Variants in HADHA observed in about 807,000 individuals in gnomAD.
The protein encoded by HADHA is hydroxyacyl-CoA dehydrogenase trifunctional multienzyme complex subunit alpha.
In HADHA, 59 loss-of-function variants were observed where a neutral mutation model predicts 91.3. That is an observed-to-expected ratio of 0.65 (90% CI 0.52 to 0.80). HADHA has a LOEUF of 0.80. Ranked by LOEUF, HADHA falls within the 30% of genes least tolerant of loss-of-function variation. HADHA has a pLI of 0.00. For missense variants in HADHA, 800 were observed against 927.6 expected (o/e 0.86, Z 1.79); for synonymous variants, 320 against 338.9 (o/e 0.94, Z 0.61).
chr2:26,196,800 T>C (rs992065797), intron 14 of HADHA, among the ~76,000 whole-genome samples: 3 of 152,134 alleles, frequency 2.0e-5, no homozygotes, highest in Non-Finnish European at 4.4e-5. Flanking sequence ...CCTGTACTGA[T>C]TTTAGATGCC....
chr2:26,202,326 T>G (rs988332823), intron 12 of HADHA, among the ~76,000 whole-genome samples: 13 of 152,232 alleles, frequency 8.5e-5, no homozygotes, highest in African/African-American at 2.9e-4. Context: ...CTGACCACAC[T>G]TTCAGAATAA....
intron 11 of HADHA, among the ~76,000 whole-genome samples, chr2:26,207,062 G>A (rs756055746): frequency 6.6e-6 from 1 of 152,138 alleles, no homozygotes; most frequent in Non-Finnish European, 1.5e-5. Flanking sequence ...GCCGGGTGTG[G>A]TGGTATGTGC....
chr2:26,232,821 G>A (rs774390764), intron 5 of HADHA, among the ~76,000 whole-genome samples: 5 of 152,152 alleles, frequency 3.3e-5, no homozygotes, highest in Non-Finnish European at 7.3e-5. Flanking sequence ...TGTGAACATC[G>A]CAGAGTGTAC....
At chr2:26,198,990 G>A (rs1669757738) in intron 13 of HADHA, among the ~76,000 whole-genome samples, 1 of 152,080 alleles carries the variant, frequency 6.6e-6, no homozygotes, top group African/African-American at 2.4e-5. Flanking sequence ...TGCCGCCTGG[G>A]TTCAAGCAAT....
intron 7 of HADHA, among the ~76,000 whole-genome samples, chr2:26,215,449 G>A (rs1305819408): frequency 6.6e-6 from 1 of 152,070 alleles, no homozygotes; most frequent in African/African-American, 2.4e-5. Context: ...ACACACAAAA[G>A]GAATGCATTA....
At chr2:26,222,360 CA>C (rs1670394384) in intron 7 of HADHA, among the ~76,000 whole-genome samples, 1 of 152,198 alleles carries the variant, frequency 6.6e-6, no homozygotes. Flanking sequence ...TTCGTTATGG[CA>C]GCCCTAGCAA....
In HADHA at chr2:26,244,568, A is replaced by G. The variant is rs750558471; in HGVS notation, c.29T>C (p.Leu10Pro). 8 of 1,588,398 alleles carry G rather than the reference A, an allele frequency of 5.0e-6. No homozygotes were observed. The South Asian group carries it at 8.0e-5, about 16-fold the overall frequency. MVACRAIGI[L>P]SRFSAFRILR... Reference sequence around the variant, plus strand: ...GATCCTGAAGGCAGAAAAGCGGCTGAGGATGCCAATCGCCCGGCAGGCCAC... The same window carrying G: ...GATCCTGAAGGCAGAAAAGCGGCTGGGGATGCCAATCGCCCGGCAGGCCAC... Residue 10 changes from leucine to proline, a missense_variant, in exon 1 of 20, where the codon CTC becomes CCC. Coordinates refer to ENST00000380649, the MANE Select transcript of HADHA (RefSeq NM_000182.5).
intron 5 of HADHA, among the ~76,000 whole-genome samples, chr2:26,232,718 C>A (rs936689276): frequency 3.9e-5 from 6 of 152,142 alleles, no homozygotes; most frequent in Non-Finnish European, 7.3e-5. Flanking sequence ...TAGTTTAGGA[C>A]CAGGCACAGG....
At chr2:26,231,788 G>A (rs534365837) in intron 6 of HADHA, among the ~76,000 whole-genome samples, 6 of 151,956 alleles carry the variant, frequency 3.9e-5, no homozygotes, top group Non-Finnish European at 7.4e-5. Context: ...CCAACATGGC[G>A]AAACTCCATC....
chr2:26,198,546 C>A (rs1293920587), intron 13 of HADHA, among the ~76,000 whole-genome samples: 1 of 151,664 alleles, frequency 6.6e-6, no homozygotes, highest in African/African-American at 2.4e-5. Flanking sequence ...AAATCTGGAA[C>A]AGGCAGAATC....
At position 26,244,587 on chromosome 2, in the gene HADHA, A is replaced by C. The variant is rs781732669; in HGVS notation, c.10T>G (p.Cys4Gly). The C allele has an allele frequency of 1.3e-6, 2 of 1,583,392 alleles. No individual in the cohort carries two copies. The highest frequency in any genetic ancestry group is 1.7e-6 in the Non-Finnish European group (2 of 1,164,294). The part of the protein sequence containing the change: MVA[C>G]RAIGILSRFS... Reference sequence around the variant, plus strand: ...CGGCTGAGGATGCCAATCGCCCGGCAGGCCACCATCTTGAGCTGAAGAGGA... The same window carrying C: ...CGGCTGAGGATGCCAATCGCCCGGCCGGCCACCATCTTGAGCTGAAGAGGA... The change falls in exon 1 of 20, where the codon TGC becomes GGC. Residue 4 changes from cysteine (C) to glycine (G), a missense_variant. Physicochemically the swap from Cys to Gly is radical, Grantham distance 159 (BLOSUM62 -3). Transcript: ENST00000380649.
chr2:26,232,234 T>C lies in HADHA; in HGVS notation c.499A>G (p.Thr167Ala). ...QYRIATKDRKTVLGTPEVLLG... is the reference protein window; with the variant it reads ...QYRIATKDRKAVLGTPEVLLG... ...AAAACTTCAGGGGTACCTAATACTG[T>C]TTTTCTGTCTTTTGTTGCTATTCTG... Residue 167 changes from threonine (T) to alanine (A), a missense_variant, in exon 6 of 20, where the codon ACA (threonine) becomes GCA (alanine). By Grantham distance (58) the Thr-to-Ala change is moderately conservative (BLOSUM62 0). Coordinates refer to ENST00000380649, the MANE Select transcript of HADHA (RefSeq NM_000182.5). 1.2e-6 allele frequency: 2 copies of C among 1,601,628 alleles called. No individual in the cohort carries two copies. The highest frequency in any genetic ancestry group is 1.1e-5 in the South Asian group (1 of 90,788).
chr2:26,236,808 C>T (rs1371857809), intron 4 of HADHA, 47 bp downstream of exon 4: 5 of 1,460,276 alleles, frequency 3.4e-6, no homozygotes, highest in Non-Finnish European at 4.8e-6. Context: ...CTAAGAAACA[C>T]ACTATTAACC....
intron 15 of HADHA, 128 bp from the exon 16 acceptor site, chr2:26,194,766 T>G: frequency 1.3e-6 from 1 of 742,132 alleles, no homozygotes; most frequent in Non-Finnish European, 2.4e-6. Flanking sequence ...ACTTAAAATC[T>G]CAATCAGAAT....
intron 9 of HADHA, among the ~76,000 whole-genome samples, chr2:26,213,614 G>A (rs1011993765): frequency 6.6e-6 from 1 of 152,106 alleles, no homozygotes; most frequent in African/African-American, 2.4e-5. Flanking sequence ...AGCTTTCAGG[G>A]TTGGGGTCAG....
chr2:26,203,963 G>A (rs1455047896), intron 12 of HADHA, 99 bp downstream of exon 12: 2 of 1,188,000 alleles, frequency 1.7e-6, no homozygotes, highest in Non-Finnish European at 2.5e-6. Flanking sequence ...GTGATGGCAA[G>A]AACAAACAAA....
At chr2:26,200,605 G>A (rs761640627) in intron 13 of HADHA, among the ~76,000 whole-genome samples, 3 of 152,166 alleles carry the variant, frequency 2.0e-5, no homozygotes, top group Non-Finnish European at 4.4e-5. Flanking sequence ...GTATGTTTGG[G>A]TGACAGAGCT....
In HADHA at chr2:26,238,973, C is replaced by G. The variant is rs1670826504; in HGVS notation, c.141G>C (p.Gly47=). 1 of 1,607,870 alleles carries G rather than the reference C, an allele frequency of 6.2e-7. No individual in the cohort carries two copies. Among genetic ancestry groups the G allele is most frequent in the Non-Finnish European group, 8.5e-7 (1 of 1,175,138 alleles). ...AGTTAATTCGAACAACTGCCACATC[C>G]CCTTTGACTCCATAGTTAATATGGG... The part of the protein sequence containing the change: ...TRTHINYGVK[G]DVAVVRINSP... Residue 47 remains glycine, a synonymous_variant, in exon 3 of 20, where the codon GGG becomes GGC. Coordinates refer to ENST00000380649, the MANE Select transcript of HADHA (RefSeq NM_000182.5).
At chr2:26,215,308 A>G (rs578031017) in intron 7 of HADHA, 133 bp from the exon 8 acceptor site, 2 of 800,318 alleles carry the variant, frequency 2.5e-6, no homozygotes, top group African/African-American at 3.4e-5. Context: ...GTAGGTGGCA[A>G]AGTCATAAAC....
Sources: gnomAD v4.1 joint callset for allele counts (sites outside exome capture counted in the v4.1 genomes callset) on GRCh38, gnomAD v4.1.1 for gene constraint, MANE v1.5 for transcripts, NCBI Gene and HGNC (gene_info 2026-07-23, HGNC 2026-07-21) for gene names.